The following ESPL1 variants were observed in gnomAD, a reference collection of about 807,000 sequenced individuals.
ESPL1 encodes the protein extra spindle pole bodies like 1, separase.
In ESPL1, 50 loss-of-function variants were observed where a neutral mutation model predicts 217.2. The observed-to-expected ratio is 0.23, with a 90% CI of 0.18 to 0.29. The LOEUF (loss-of-function observed/expected upper bound fraction) is 0.29. Among genes scored for constraint, ESPL1 ranks in the 10% least tolerant of loss-of-function variants. The pLI is 1.00. For synonymous variants in ESPL1, 994 were observed against 1,081.3 expected, an observed-to-expected ratio of 0.92 and a Z score of 1.58; for missense variants, 1,834 against 2,603.0, an observed-to-expected ratio of 0.70 and a Z score of 6.43.
chr12:53,270,212 C>T (rs1457754049), intron 3 of ESPL1, 127 bp downstream of exon 3: 39 of 991,648 alleles, frequency 3.9e-5, no homozygotes, highest in Non-Finnish European at 4.9e-5. Context: ...CAGTGCCTAG[C>T]GAGCCAGCAA....
At chr12:53,275,379 T>C (rs1197068731) in intron 7 of ESPL1, among the ~76,000 whole-genome samples, 1 of 152,032 alleles carries the variant, frequency 6.6e-6, no homozygotes, top group Non-Finnish European at 1.5e-5. Context: ...GAGAATGGCG[T>C]GAACCCGGGA....
At chr12:53,280,279 C>T (rs1943839884) in intron 12 of ESPL1, among the ~76,000 whole-genome samples, 1 of 152,208 alleles carries the variant, frequency 6.6e-6, no homozygotes, top group Admixed American at 6.5e-5. Flanking sequence ...CTGCTTAACC[C>T]TGTTCCCTTT....
chr12:53,282,515 C>T lies in ESPL1; in HGVS notation c.2791+80C>T. The T allele has an allele frequency of 7.5e-7, 1 of 1,329,012 alleles. No individual in the cohort carries two copies. The highest frequency in any genetic ancestry group is 1.1e-6 in the Non-Finnish European group (1 of 946,830). 82.3% of individuals were successfully genotyped at this position (1,329,012 alleles called of 1,614,324 possible). ...GTCAGCTCTTCTCAAACCTCATCCC[C>T]TCTGCTGGCTAACTATGTGGCCCAG... On this transcript the variant is annotated intron_variant, in intron 14 of 30. Transcript: ENST00000257934. This position sits in a 1 kb window ranked among gnomAD's most constrained non-coding sequence, Gnocchi z 4.0.
chr12:53,292,243 G>A lies in ESPL1; in HGVS notation c.5797-35G>A. ...TGTTAGAGCTTGGGCCTCTTGGTGA[G>A]ACAAGCATCCTAATCGCCAGTGTCT... On this transcript the variant is annotated intron_variant, in intron 27 of 30. Coordinates refer to ENST00000257934, the MANE Select transcript of ESPL1 (RefSeq NM_012291.5). The surrounding 1 kb of genome is among the most constrained non-coding windows in gnomAD (Gnocchi z 4.5). The A allele has an allele frequency of 6.5e-7, 1 of 1,540,994 alleles. No individual in the cohort carries two copies. The highest frequency in any genetic ancestry group is 1.1e-5 in the South Asian group (1 of 89,588).
chr12:53,283,319 G>A, intron 15 of ESPL1, 62 bp downstream of exon 15: 10 of 1,611,544 alleles, frequency 6.2e-6, no homozygotes, highest in Non-Finnish European at 8.5e-6. Context: ...GAGGGCTGCG[G>A]TTTTTTCTCC....
At position 53,283,205 on chromosome 12, in the gene ESPL1, T is replaced by C. The variant is rs762330310; in HGVS notation, c.2868T>C (p.Ser956=). 4 of 1,614,120 alleles carry C rather than the reference T, an allele frequency of 2.5e-6. No homozygotes were observed. Among genetic ancestry groups the C allele is most frequent in the Non-Finnish European group, 3.4e-6 (4 of 1,180,046 alleles). ...LRSIILLLMG[S]DILSTQKAAV... is the part of the protein sequence containing the mutation. ...GCATCATCCTCCTGCTGATGGGCAG[T>C]GACATTCTCTCAACTCAGAAAGCAG... Residue 956 remains serine (S), a synonymous_variant, in exon 15 of 31, where the codon AGT becomes AGC. Coordinates refer to ENST00000257934, the MANE Select transcript of ESPL1 (RefSeq NM_012291.5).
At chr12:53,277,773 C>T (rs1200321101) in intron 10 of ESPL1, 48 bp from the exon 11 acceptor site, 6 of 1,604,144 alleles carry the variant, frequency 3.7e-6, no homozygotes, top group Non-Finnish European at 5.1e-6. Context: ...GAAGTTCTCT[C>T]CAGATGGCCC....
rs1342461164 is a variant in ESPL1, at chr12:53,269,025, A to T, written c.83A>T (p.Glu28Val). The change falls in exon 3 of 31, where the codon GAG becomes GTG. Residue 28 changes from glutamate to valine, a missense_variant and splice_region_variant. By Grantham distance (121) the Glu-to-Val change is moderately radical. Around this residue, in one of 5 missense-constraint regions of ESPL1, gnomAD observed 746 missense variants for 1,077.0 expected, o/e 0.69. Coordinates refer to ENST00000257934, the MANE Select transcript of ESPL1 (RefSeq NM_012291.5). The surrounding 1 kb of genome is among the most constrained non-coding windows in gnomAD (Gnocchi z 6.7). ...ATTCATATCTTTCTCTACTCCTAGG[A>T]GTTCCTGTCCAACCCTCCAGCTGGT... ...EAEELLPALK[E>V]FLSNPPAGFP... 3.7e-6 allele frequency: 6 copies of T among 1,609,138 alleles called. No homozygotes were observed. Among genetic ancestry groups the T allele is most frequent in the African/African-American group, 2.7e-5 (2 of 74,796 alleles).
intron 22 of ESPL1, 53 bp downstream of exon 22, chr12:53,289,647 C>T: frequency 6.7e-7 from 1 of 1,494,506 alleles, no homozygotes; most frequent in Non-Finnish European, 9.1e-7. Flanking sequence ...CATCTTCTTA[C>T]TTGGGAGCTG....
Position 53,289,120 on chromosome 12 carries a change from C to T in ESPL1, c.4739C>T (p.Ser1580Phe), listed in dbSNP as rs1944008581. 1 of 1,614,176 alleles carries T rather than the reference C, an allele frequency of 6.2e-7. No homozygotes were observed. Among genetic ancestry groups the T allele is most frequent in the Middle Eastern group, 1.6e-4 (1 of 6,062 alleles). The change falls in exon 21 of 31, where the codon TCC (serine) becomes TTC (phenylalanine). Residue 1580 changes from serine (S) to phenylalanine (F), a missense_variant. Physicochemically the swap from Ser to Phe is radical, Grantham distance 155. This residue lies in a region of ESPL1 where 681 missense variants were observed against 808.0 expected (regional missense o/e 0.84). Coordinates refer to ENST00000257934, the MANE Select transcript of ESPL1 (RefSeq NM_012291.5). Reference protein sequence around the residue: ...GLSTLDSICDSLSVAFRGISH... With the variant: ...GLSTLDSICDFLSVAFRGISH... ...TCTACCCTGGACTCCATCTGTGACT[C>T]CCTGAGTGTTGCTTTCCGGGGCATT...
At position 53,286,824 on chromosome 12, in the gene ESPL1, C is replaced by T. The variant is rs747176870; in HGVS notation, c.4088C>T (p.Thr1363Met). 11 of 1,614,084 alleles carry T rather than the reference C, an allele frequency of 6.8e-6. No homozygotes were observed. Among genetic ancestry groups the T allele is most frequent in the Admixed American group, 1.7e-5 (1 of 60,032 alleles). Reference sequence around the variant, plus strand: ...CAAGCTGGCCCTCATGTCCCCTTCACGGTGTTTGAGGAAGTCTGCCCTACA... The same window carrying T: ...CAAGCTGGCCCTCATGTCCCCTTCATGGTGTTTGAGGAAGTCTGCCCTACA... ...IRQAGPHVPFTVFEEVCPTES... is the reference protein window; with the variant it reads ...IRQAGPHVPFMVFEEVCPTES... The change falls in exon 18 of 31, where the codon ACG becomes ATG. Residue 1363 changes from threonine to methionine, a missense_variant. By Grantham distance (81) the Thr-to-Met change is moderately conservative (BLOSUM62 -1). Transcript: ENST00000257934. This position sits in a 1 kb window ranked among gnomAD's most constrained non-coding sequence, Gnocchi z 5.3.
Position 53,269,278 on chromosome 12 carries a change from A to C in ESPL1, c.336A>C (p.Gly112=). The stretch of plus-strand genomic sequence containing the variant: ...TACTGCGGAATGCTGCTGCACAAGG[A>C]AGCCCAGAGGCCACACTCCGCCTTG... The part of the protein sequence containing the change: ...FVLLRNAAAQ[G]SPEATLRLAQ... Residue 112 remains glycine, a synonymous_variant, in exon 3 of 31, where the codon GGA becomes GGC. Coordinates refer to ENST00000257934, the MANE Select transcript of ESPL1 (RefSeq NM_012291.5). The surrounding 1 kb of genome is among the most constrained non-coding windows in gnomAD (Gnocchi z 6.7). 1.2e-6 allele frequency: 2 copies of C among 1,614,218 alleles called. No homozygotes were observed. Among genetic ancestry groups the C allele is most frequent in the Non-Finnish European group, 1.7e-6 (2 of 1,180,040 alleles).
chr12:53,269,755 C>T lies in ESPL1; in HGVS notation c.813C>T (p.Ala271=). 1.2e-6 allele frequency: 2 copies of T among 1,614,210 alleles called. No homozygotes were observed. Among genetic ancestry groups the T allele is most frequent in the South Asian group, 2.2e-5 (2 of 91,088 alleles). Reference sequence around the variant, plus strand: ...GCTGGAGCCGCCACCATGACAAAGCCATCAGCGCAGTGGAGAAGGCTCACA... The same window carrying T: ...GCTGGAGCCGCCACCATGACAAAGCTATCAGCGCAGTGGAGAAGGCTCACA... ...RFCWSRHHDK[A]ISAVEKAHSY... is the part of the protein sequence containing the mutation. Residue 271 remains alanine, a synonymous_variant, in exon 3 of 31, where the codon GCC becomes GCT. Transcript: ENST00000257934. The surrounding 1 kb of genome is among the most constrained non-coding windows in gnomAD (Gnocchi z 6.7).
At chr12:53,281,867 A>T (rs1348300984) in intron 13 of ESPL1, among the ~76,000 whole-genome samples, 5 of 152,156 alleles carry the variant, frequency 3.3e-5, no homozygotes, top group African/African-American at 1.2e-4. Flanking sequence ...CTGTGACGAA[A>T]AGCTGGGACA....
intron 12 of ESPL1, 52 bp downstream of exon 12, chr12:53,279,918 G>C (rs1943833931): frequency 2.7e-6 from 4 of 1,497,384 alleles, no homozygotes; most frequent in Non-Finnish European, 3.6e-6. Context: ...CGTAGCTTTA[G>C]AGGCCCACCT....
intron 15 of ESPL1, 38 bp from the exon 16 acceptor site, chr12:53,283,342 CTG>C: frequency 6.2e-7 from 1 of 1,612,964 alleles, no homozygotes; most frequent in Non-Finnish European, 8.5e-7. Context: ...AGGATCCACA[CTG>C]TGGCTGAGTG....
In ESPL1 at chr12:53,277,825, G is replaced by A. The variant is rs775732846; in HGVS notation, c.2229G>A (p.Gln743=). The change falls in exon 11 of 31, where the codon CAG becomes CAA. Residue 743 remains glutamine, a synonymous_variant. Coordinates refer to ENST00000257934, the MANE Select transcript of ESPL1 (RefSeq NM_012291.5). ...CATTTTCTTCTGGCTTAACAGCTCA[G>A]TCCAAATGCCTGGACCAAGCCCTGG... The part of the protein sequence containing the change: ...IAFNLAADAA[Q]SKCLDQALAL... 41 of 1,613,926 alleles carry A rather than the reference G, an allele frequency of 2.5e-5. No individual in the cohort carries two copies. The East Asian group carries it at 9.1e-4, about 36-fold the overall frequency.
At chr12:53,280,134 C>G (rs985890754) in intron 12 of ESPL1, among the ~76,000 whole-genome samples, 1 of 152,104 alleles carries the variant, frequency 6.6e-6, no homozygotes, top group African/African-American at 2.4e-5. Context: ...GTTCTGTTGC[C>G]CTAGTTGATG....
chr12:53,278,041 G>C, intron 11 of ESPL1, 81 bp downstream of exon 11: 2 of 1,439,090 alleles, frequency 1.4e-6, no homozygotes, highest in Admixed American at 1.9e-5. Flanking sequence ...TTTGGCCTGT[G>C]ATCCTCCTGA....
Sources: allele counts gnomAD v4.1 joint callset (sites outside exome capture counted in the v4.1 genomes callset), GRCh38; gene constraint gnomAD v4.1.1; regional missense constraint gnomAD v4.1.1; non-coding constraint Gnocchi (gnomAD v3.1); transcripts MANE v1.5; gene names NCBI Gene and HGNC (gene_info 2026-07-23, HGNC 2026-07-21).